Variants in SCFD2 observed in about 807,000 individuals in gnomAD.
The protein encoded by SCFD2 is sec1 family domain containing 2.
Under a neutral mutation model 58.9 loss-of-function variants are expected in SCFD2, and 54 were observed. That is an observed-to-expected ratio of 0.92 (90% CI 0.74 to 1.15). The LOEUF is 1.15. SCFD2 is among the 50% of genes most tolerant of loss of function. The probability of loss-of-function intolerance (pLI) is 0.00; values close to 1 mark genes in which losing one functional copy is unlikely to be tolerated. For synonymous variants in SCFD2, 321 were observed against 335.9 expected (o/e 0.96, Z 0.49); for missense variants, 805 against 836.6 (o/e 0.96, Z 0.47).
chr4:53,244,916 A>G (rs1730019324), intron 4 of SCFD2, among the ~76,000 whole-genome samples: 2 of 151,990 alleles, frequency 1.3e-5, no homozygotes, highest in Admixed American at 6.5e-5. Context: ...TAGAAAGAAC[A>G]AAGGGGATAT....
At chr4:53,102,854 C>G (rs1418377259) in intron 5 of SCFD2, among the ~76,000 whole-genome samples, 2 of 146,666 alleles carry the variant, frequency 1.4e-5, no homozygotes, top group Admixed American at 1.4e-4. Flanking sequence ...TCTTACTTGA[C>G]AAATGTAAAA....
intron 4 of SCFD2, among the ~76,000 whole-genome samples, chr4:53,247,583 G>T (rs1396934147): frequency 1.3e-5 from 2 of 152,108 alleles, no homozygotes; most frequent in Non-Finnish European, 2.9e-5. Context: ...GATCAGGCCG[G>T]GCGCGGTGGC....
At chr4:53,311,169 A>T (rs1038750339) in intron 3 of SCFD2, among the ~76,000 whole-genome samples, 4 of 152,172 alleles carry the variant, frequency 2.6e-5, no homozygotes, top group Non-Finnish European at 4.4e-5. Context: ...TGAAGCAAAA[A>T]TGGGCAGCCA....
At chr4:53,327,100 A>G (rs1733224793) in intron 2 of SCFD2, among the ~76,000 whole-genome samples, 1 of 152,036 alleles carries the variant, frequency 6.6e-6, no homozygotes, top group Non-Finnish European at 1.5e-5. Context: ...AGCAGAGTTC[A>G]TGTAATGAGC....
intron 4 of SCFD2, among the ~76,000 whole-genome samples, chr4:53,244,254 G>T (rs1440164246): frequency 6.6e-6 from 1 of 152,072 alleles, no homozygotes; most frequent in East Asian, 1.9e-4. Context: ...GACATATACA[G>T]AACTCTCCAC....
At position 53,092,026 on chromosome 4, in the gene SCFD2, C is replaced by T. The variant is rs190909794; in HGVS notation, c.1561+53307G>A. ...TAGGCAGATGTGACAGAAAAGAAGA[C>T]GTCAAAATTAGAACAGGAAGCAAAA... is the stretch of plus-strand genomic sequence containing the variant. On this transcript the variant is annotated intron_variant, in intron 5 of 8. Transcript: ENST00000401642. Among the ~76,000 whole-genome samples the T allele has an allele frequency of 2.6e-4, 39 of 152,064 alleles. 1 individual carries two copies. Among genetic ancestry groups the T allele is most frequent in the Admixed American group, 2.0e-3 (30 of 15,254 alleles).
At chr4:52,951,882 T>C (rs1486033892) in intron 5 of SCFD2, among the ~76,000 whole-genome samples, 1 of 152,120 alleles carries the variant, frequency 6.6e-6, no homozygotes, top group Non-Finnish European at 1.5e-5. Flanking sequence ...CTTGAACTTT[T>C]TGGGTTAATT....
intron 2 of SCFD2, among the ~76,000 whole-genome samples, chr4:53,325,839 C>T (rs1486593837): frequency 2.0e-5 from 3 of 152,136 alleles, no homozygotes; most frequent in Non-Finnish European, 4.4e-5. Context: ...GTTTAAGCCA[C>T]TTTGTCCAGT....
At position 53,317,181 on chromosome 4, in the gene SCFD2, T is replaced by A. The variant is rs186943162; in HGVS notation, c.1008-3418A>T. 3.3e-5 allele frequency among the ~76,000 whole-genome samples: 5 copies of A among 152,198 alleles called. No individual in the cohort carries two copies. The East Asian group carries it at 9.7e-4, about 29-fold the overall frequency. On this transcript the variant is annotated intron_variant, in intron 2 of 8. Coordinates refer to ENST00000401642, the MANE Select transcript of SCFD2 (RefSeq NM_152540.4). ...AATGCCTGCTTCCTGTCCTAAACAG[T>A]TTTCTAAACACGTCATACTAACTTC...
intron 5 of SCFD2, among the ~76,000 whole-genome samples, chr4:53,135,551 G>C (rs1366495797): frequency 6.6e-6 from 1 of 152,070 alleles, no homozygotes; most frequent in Non-Finnish European, 1.5e-5. Context: ...GACCATCCTG[G>C]CCAACATGGT....
intron 5 of SCFD2, among the ~76,000 whole-genome samples, chr4:53,025,816 T>C (rs1378262779): frequency 6.6e-6 from 1 of 152,206 alleles, no homozygotes; most frequent in East Asian, 1.9e-4. Context: ...ATGGATCTTA[T>C]GGACTGGATT....
intron 5 of SCFD2, among the ~76,000 whole-genome samples, chr4:53,110,908 T>A (rs1725150859): frequency 6.6e-6 from 1 of 152,186 alleles, no homozygotes; most frequent in Non-Finnish European, 1.5e-5. Flanking sequence ...TGCAGCACTA[T>A]TCACAATAGC....
At chr4:52,970,793 C>T (rs544186610) in intron 5 of SCFD2, among the ~76,000 whole-genome samples, 22 of 152,232 alleles carry the variant, frequency 1.4e-4, no homozygotes, top group African/African-American at 2.7e-4. Flanking sequence ...ACACCTCACA[C>T]GGCCGGGTAC....
At chr4:53,248,246 T>G (rs547839373) in intron 4 of SCFD2, among the ~76,000 whole-genome samples, 1 of 152,206 alleles carries the variant, frequency 6.6e-6, no homozygotes, top group African/African-American at 2.4e-5. Context: ...CAGGAAATTA[T>G]ATCCCGCACC....
intron 5 of SCFD2, among the ~76,000 whole-genome samples, chr4:53,086,720 G>A (rs1724315629): frequency 1.3e-5 from 2 of 152,188 alleles, no homozygotes; most frequent in Admixed American, 1.3e-4. Context: ...ATGAGATTCT[G>A]TCATTTGCAA....
chr4:52,956,117 A>C, intron 5 of SCFD2: 1 of 456,678 alleles, frequency 2.2e-6, no homozygotes, highest in Non-Finnish European at 4.4e-6. Flanking sequence ...CCTTGGAATG[A>C]ATTTCTCCAC....
chr4:53,061,633 C>T (rs756836402), intron 5 of SCFD2, among the ~76,000 whole-genome samples: 13 of 152,202 alleles, frequency 8.5e-5, no homozygotes, highest in South Asian at 4.1e-4. Flanking sequence ...ATTTACATTG[C>T]GAGTTCCTTT....
At chr4:53,019,239 AT>A (rs1244731285) in intron 5 of SCFD2, among the ~76,000 whole-genome samples, 1 of 152,254 alleles carries the variant, frequency 6.6e-6, no homozygotes, top group Non-Finnish European at 1.5e-5. Flanking sequence ...AAATGCTTAA[AT>A]AAAAAATAGT....
At chr4:53,140,791 T>C (rs1158267065) in intron 5 of SCFD2, among the ~76,000 whole-genome samples, 1 of 152,186 alleles carries the variant, frequency 6.6e-6, no homozygotes, top group Non-Finnish European at 1.5e-5. Flanking sequence ...GGTGAGGTTG[T>C]GGCAGGTTTA....
Sources: gnomAD v4.1 joint callset for allele counts (sites outside exome capture counted in the v4.1 genomes callset) on GRCh38, gnomAD v4.1.1 for gene constraint, MANE v1.5 for transcripts, NCBI Gene and HGNC (gene_info 2026-07-23, HGNC 2026-07-21) for gene names.